Variants in SSX3 observed in about 807,000 individuals in gnomAD.
SSX3 encodes SSX family member 3.
In SSX3, 6 loss-of-function variants were observed where a neutral mutation model predicts 14.8. That is an observed-to-expected ratio of 0.41 (90% CI 0.22 to 0.80). SSX3 has a LOEUF of 0.80. Ranked by LOEUF, SSX3 falls within the 30% of genes least tolerant of loss-of-function variation. The pLI is 0.34. For synonymous variants in SSX3, 55 were observed against 52.9 expected (o/e 1.04, Z -0.18); for missense variants, 163 against 152.2 (o/e 1.07, Z -0.37).
In SSX3 at chrX:48,346,775, C is replaced by T; in HGVS notation, c.*265G>A. 2 of 489,815 alleles carry T rather than the reference C, an allele frequency of 4.1e-6. No homozygotes were observed. The highest frequency in any genetic ancestry group is 6.9e-6 in the Non-Finnish European group (2 of 291,526). 40.4% of individuals were successfully genotyped at this position (489,815 alleles called of 1,213,427 possible). ...AAGGTAGGTGCATGGATACACAAAC[C>T]AAAATATGCATTAAGTATGTCTTGC... On this transcript the variant is annotated 3_prime_UTR_variant, in exon 8 of 8. Transcript: ENST00000298396.
chrX:48,350,201 A>G (rs2061256265), intron 5 of SSX3, 79 bp from the exon 6 acceptor site: 11 of 1,164,548 alleles, frequency 9.4e-6, no homozygotes, highest in Admixed American at 2.3e-5. Context: ...GGGTCTTCAC[A>G]TGCATTAGCT....
intron 5 of SSX3, among the ~76,000 whole-genome samples, chrX:48,351,361 C>A (rs1556949834): frequency 9.0e-6 from 1 of 111,330 alleles, no homozygotes; most frequent in Admixed American, 9.6e-5. Flanking sequence ...GCCCCAGGTG[C>A]AGACAAGGCA....
chrX:48,349,695 A>C (rs1313209407), intron 6 of SSX3: 4 of 1,155,158 alleles, frequency 3.5e-6, no homozygotes, highest in Admixed American at 2.8e-5. Flanking sequence ...ATTAAATTTA[A>C]TGTCTCCAAA....
intron 1 of SSX3, 139 bp from the exon 2 acceptor site, chrX:48,355,408 A>G (rs1359599517): frequency 6.9e-6 from 4 of 576,483 alleles, no homozygotes; most frequent in Non-Finnish European, 1.1e-5. Flanking sequence ...GTCCCTGAGT[A>G]AGGATATGGG....
chrX:48,354,888 G>A, intron 2 of SSX3, 142 bp from the exon 3 acceptor site: 1 of 1,190,876 alleles, frequency 8.4e-7, no homozygotes, highest in East Asian at 3.0e-5. Context: ...GACAGAACAT[G>A]AGGGACCTTC....
rs782295280 is a variant in SSX3, at chrX:48,347,595, C to T, written c.476G>A (p.Arg159Lys). 1.7e-6 allele frequency: 2 copies of T among 1,207,986 alleles called. No homozygotes were observed. Among genetic ancestry groups the T allele is most frequent in the Non-Finnish European group, 2.2e-6 (2 of 894,803 alleles). The change falls in exon 7 of 8, where the codon AGG (arginine) becomes AAG (lysine). Residue 159 changes from arginine (R) to lysine (K), a missense_variant. Physicochemically the swap from Arg to Lys is conservative, Grantham distance 26 (BLOSUM62 2). Coordinates refer to ENST00000298396, the MANE Select transcript of SSX3 (RefSeq NM_021014.4). ...TCTGTGGGTCCAGGCATGTTCCCCC[C>T]TTTTGGGTCCTATGATGGAGAATAG... ...EKINMISGPKRGEHAWTHRLR... is the reference protein window; with the variant it reads ...EKINMISGPKKGEHAWTHRLR...
At chrX:48,352,214 T>C (rs1478125425) in intron 4 of SSX3, 65 bp from the exon 5 acceptor site, 1 of 1,129,092 alleles carries the variant, frequency 8.9e-7, no homozygotes, top group Non-Finnish European at 1.2e-6. Flanking sequence ...GAGAGACTTC[T>C]GTCGCATCAG....
intron 2 of SSX3, 89 bp downstream of exon 2, chrX:48,355,092 T>C (rs1189225011): frequency 2.5e-6 from 3 of 1,200,965 alleles, no homozygotes; most frequent in East Asian, 3.0e-5. Context: ...GCTCCTTGTC[T>C]CCAGTATCTC....
chrX:48,351,992 G>A, intron 5 of SSX3, 108 bp downstream of exon 5: 1 of 992,758 alleles, frequency 1.0e-6, no homozygotes. Context: ...ATAGACATGG[G>A]GAGAAGAAGG....
At chrX:48,356,141 A>G (rs1448614855) in intron 1 of SSX3, among the ~76,000 whole-genome samples, 3 of 111,822 alleles carry the variant, frequency 2.7e-5, no homozygotes, top group Non-Finnish European at 5.6e-5. Flanking sequence ...TAGCAAAACC[A>G]TCTCTACTAA....
intron 5 of SSX3, among the ~76,000 whole-genome samples, chrX:48,350,672 G>A (rs1556949553): frequency 9.0e-6 from 1 of 110,971 alleles, no homozygotes; most frequent in Non-Finnish European, 1.9e-5. Context: ...ACCCTACCGA[G>A]GCACCAATTG....
rs57540539 is a variant in SSX3, at chrX:48,346,578, GGTGTGTGTCT to G, written c.*452_*461del. The G allele has an allele frequency of 0.41, 100,457 of 245,191 alleles. 11,526 individuals are homozygous for G. Among genetic ancestry groups the G allele is most frequent in the South Asian group, 0.52 (8,375 of 16,219 alleles). 20.2% of individuals were successfully genotyped at this position (245,191 alleles called of 1,213,427 possible). ...ATGGGAGATGCTTATACTGGTACTTGGTGTGTGTCTGTGTGTGTGTGTGTGTGTGTGTGGT... is the reference window on the plus strand; with the variant it reads ...ATGGGAGATGCTTATACTGGTACTTGGTGTGTGTGTGTGTGTGTGTGTGGT... On this transcript the variant is annotated 3_prime_UTR_variant, in exon 8 of 8. Transcript: ENST00000298396.
In SSX3 at chrX:48,354,191, G is replaced by A. The variant is rs782292909; in HGVS notation, c.185-97C>T. On this transcript the variant is annotated intron_variant, in intron 3 of 7. Transcript: ENST00000298396. ...ACCAACACTTTGGGAGGCTAAGGCTGGAGGATTGCTTGAGGCCAGGAATTC... is the reference window on the plus strand; with the variant it reads ...ACCAACACTTTGGGAGGCTAAGGCTAGAGGATTGCTTGAGGCCAGGAATTC... The A allele has an allele frequency of 5.1e-5, 40 of 784,331 alleles. No homozygotes were observed. The African/African-American group carries it at 6.5e-4, about 13-fold the overall frequency. The allele number at this position is 784,331 out of a possible 1,213,427, so 64.6% of individuals were successfully genotyped here.
chrX:48,356,131 T>A (rs1373934899), intron 1 of SSX3, among the ~76,000 whole-genome samples: 1 of 111,668 alleles, frequency 9.0e-6, no homozygotes, highest in Non-Finnish European at 1.9e-5. Flanking sequence ...CTCACAAACG[T>A]AGCAAAACCA....
rs1262208311 is a variant in SSX3, at chrX:48,347,216, C to T, written c.*5-181G>A. Among the ~76,000 whole-genome samples, 3 of 112,440 alleles carry T rather than the reference C, an allele frequency of 2.7e-5. No homozygotes were observed. In the East Asian group the frequency reaches 8.4e-4, roughly 31 times the overall value. On this transcript the variant is annotated intron_variant, in intron 7 of 7. Coordinates refer to ENST00000298396, the MANE Select transcript of SSX3 (RefSeq NM_021014.4). The stretch of plus-strand genomic sequence containing the variant: ...TCTGTTCATGCCACAGTGACTTCCT[C>T]GCCTGGGCTATCAATTCCTAGGCTA...
At chrX:48,355,730 G>A (rs1238046124) in intron 1 of SSX3, among the ~76,000 whole-genome samples, 1 of 111,463 alleles carries the variant, frequency 9.0e-6, no homozygotes, top group African/African-American at 3.3e-5. Context: ...GGGATGGGGG[G>A]TTCTGTTCTG....
chrX:48,354,809 G>T, intron 2 of SSX3, 63 bp from the exon 3 acceptor site: 1 of 1,202,296 alleles, frequency 8.3e-7, no homozygotes, highest in South Asian at 1.8e-5. Flanking sequence ...CCATTCAGCT[G>T]GAGTCGCTTC....
Position 48,349,393 on chromosome X carries a change from T to C in SSX3, c.466+594A>G, listed in dbSNP as rs781984275. 5.9e-5 allele frequency: 45 copies of C among 756,641 alleles called. No homozygotes were observed. The South Asian group carries it at 1.2e-3, about 21-fold the overall frequency. The allele number at this position is 756,641 out of a possible 1,213,427, so 62.4% of individuals were successfully genotyped here. A position where few individuals can be genotyped will look rare whatever the true frequency, so the allele number is the denominator to read the frequency against. On this transcript the variant is annotated intron_variant, in intron 6 of 7. Coordinates refer to ENST00000298396, the MANE Select transcript of SSX3 (RefSeq NM_021014.4). ...TGTGACTCACTGAAGGCTCAGAAGATTGTTAGCATTTTTAACAATGAATTA... is the reference window on the plus strand; with the variant it reads ...TGTGACTCACTGAAGGCTCAGAAGACTGTTAGCATTTTTAACAATGAATTA...
intron 1 of SSX3, among the ~76,000 whole-genome samples, chrX:48,356,149 T>TA (rs1360849255): frequency 2.7e-5 from 3 of 111,198 alleles, no homozygotes; most frequent in South Asian, 3.8e-4. Flanking sequence ...CCATCTCTAC[T>TA]AAAAAAAACA....
Sources: allele counts gnomAD v4.1 joint callset (sites outside exome capture counted in the v4.1 genomes callset), GRCh38; gene constraint gnomAD v4.1.1; transcripts MANE v1.5; gene names NCBI Gene and HGNC (gene_info 2026-07-23, HGNC 2026-07-21).